HELZ2: variants seen among roughly 807,000 people sequenced by gnomAD.
HELZ2 encodes the protein helicase with zinc finger 2, also known as 3'-5' exoribonuclease HELZ2.
HELZ2 carries 143 observed loss-of-function variants against 208.8 expected under a neutral mutation model. The ratio of observed to expected loss-of-function variants is 0.68; its 90% confidence interval spans 0.60 to 0.79. The LOEUF is 0.79. Among genes scored for constraint, HELZ2 ranks in the 30% least tolerant of loss-of-function variants. The pLI, the probability that HELZ2 is intolerant of heterozygous loss-of-function variation, is 0.00. For synonymous variants in HELZ2, 1,705 were observed against 1,693.7 expected, an observed-to-expected ratio of 1.01 and a Z score of -0.16; for missense variants, 3,690 against 3,794.5, an observed-to-expected ratio of 0.97 and a Z score of 0.72.
At chr20:63,561,841 A>G (rs1258713178) in exon 11 of HELZ2, 1 of 1,563,640 alleles carries the variant, frequency 6.4e-7, no homozygotes, top group Non-Finnish European at 8.7e-7. Flanking sequence ...ACATCCACCG[A>G]CTTGTTGGAG....
chr20:63,563,077 G>C, exon 8 of HELZ2: 1 of 1,598,330 alleles, frequency 6.3e-7, no homozygotes, highest in Non-Finnish European at 8.5e-7. Flanking sequence ...GCCGCTCCAC[G>C]TGCTCCAGGC....
chr20:63,570,647 A>ACCCCCCC, intron 2 of HELZ2, 36 bp from the exon 4 acceptor site: 71 of 1,497,328 alleles, frequency 4.7e-5, no homozygotes, highest in Middle Eastern at 1.8e-4. Flanking sequence ...AGAGGCCTGG[A>ACCCCCCC]CCCCACCCCA....
chr20:63,570,493 T>G lies in HELZ2; in HGVS notation c.570+11A>C, dbSNP rs142918255. 6.2e-7 allele frequency: 1 copy of G among 1,607,624 alleles called. No homozygotes were observed. Among genetic ancestry groups the G allele is most frequent in the Non-Finnish European group, 8.5e-7 (1 of 1,175,040 alleles). ...GCTCCCTCCGCCCAGTCGGAGCTGT[T>G]CTCCGCTCACCTCAGAGTGGACGGC... On this transcript the variant is annotated intron_variant, in intron 3 of 18. Transcript: ENST00000467148.
rs904128021 is a variant in HELZ2 at position 63,571,963 on chromosome 20, G to A, written c.278+145C>T. Reference sequence around the variant, plus strand: ...GGGAGCCTCTGGCTCTGCCTACGGTGGGCTCCTGCCCTACTCCAAGCTCCT... The same window carrying A: ...GGGAGCCTCTGGCTCTGCCTACGGTAGGCTCCTGCCCTACTCCAAGCTCCT... On this transcript the variant is annotated intron_variant, in intron 1 of 18. Coordinates refer to ENST00000467148, the Ensembl canonical transcript of HELZ2. 34 of 839,604 alleles carry A rather than the reference G, an allele frequency of 4.0e-5. No homozygotes were observed. In the African/African-American group the frequency reaches 4.8e-4, roughly 12 times the overall value. 52.0% of individuals were successfully genotyped at this position (839,604 alleles called of 1,614,324 possible).
chr20:63,567,680 C>T, intron 5 of HELZ2, 53 bp from the exon 7 acceptor site: 1 of 1,548,338 alleles, frequency 6.5e-7, no homozygotes, highest in East Asian at 2.4e-5. Flanking sequence ...TCAGTGCTGT[C>T]CGCTAAAGCA....
rs745497383 is a variant in HELZ2, at chr20:63,561,897, CG to C, written c.6616del (p.Arg2206ValfsTer29). The C allele has an allele frequency of 3.0e-5, 48 of 1,576,450 alleles. No homozygotes were observed. Among genetic ancestry groups the C allele is most frequent in the Admixed American group, 1.1e-4 (6 of 54,194 alleles). On this transcript the variant is annotated frameshift_variant, in exon 11 of 19. Coordinates refer to ENST00000467148, the Ensembl canonical transcript of HELZ2. LOFTEE classifies it high-confidence loss of function. ...GGGACCCCCCAGCCGCTTCTCCCCA[CG>C]GGGGGGGCCTCCGGGCTGCACCTGC...
At chr20:63,570,590 C>T (rs1181699681) in exon 3 of HELZ2, 3 of 1,612,334 alleles carry the variant, frequency 1.9e-6, no homozygotes, top group Non-Finnish European at 2.5e-6. Flanking sequence ...GTGACACGCA[C>T]TCCATCAAGG....
chr20:63,562,446 G>C, intron 8 of HELZ2, 64 bp from the exon 10 acceptor site: 1 of 1,524,150 alleles, frequency 6.6e-7, no homozygotes, highest in South Asian at 1.2e-5. Context: ...GCTGCCCCAC[G>C]AGCTCCCCCC....
chr20:63,573,135 C>G (rs906918443), upstream of HELZ2: 2 of 152,254 alleles, frequency 1.3e-5, no homozygotes, highest in African/African-American at 4.8e-5. This position sits in a 1 kb window ranked among gnomAD's most constrained non-coding sequence, Gnocchi z 4.9. Flanking sequence ...ACCTCGAACA[C>G]CAGCTTGGCT....
At chr20:63,559,237 G>C (rs1307846923) in exon 19 of HELZ2, 5 of 1,537,998 alleles carry the variant, frequency 3.3e-6, no homozygotes, top group Non-Finnish European at 4.4e-6. Flanking sequence ...TGCAGGTGGA[G>C]AGGGCTCTTC....
chr20:63,563,255 C>T lies in HELZ2; in HGVS notation c.5567G>A (p.Arg1856Gln), dbSNP rs867441852. ...CCGCTGCACCTGCACCAGCTCCCGC[C>T]GCTGGGACGCCTCGCCCTTCTCCTG... The change falls in exon 8 of 19, where the codon CGG (arginine) becomes CAG (glutamine). Residue 1856 changes from arginine (R) to glutamine (Q), a missense_variant. Arg to Gln is a conservative substitution (Grantham distance 43). This residue lies in a region of HELZ2 where 2,564 missense variants were observed against 2,580.5 expected (regional missense o/e 0.99). Transcript: ENST00000467148. The T allele has an allele frequency of 3.8e-6, 6 of 1,559,398 alleles. No homozygotes were observed. The African/African-American group carries it at 4.1e-5, about 11-fold the overall frequency.
chr20:63,562,026 C>T, intron 10 of HELZ2, 42 bp from the exon 12 acceptor site: 1 of 1,599,088 alleles, frequency 6.3e-7, no homozygotes, highest in Non-Finnish European at 8.5e-7. Flanking sequence ...CCCTGTGGGT[C>T]CCTGTGGCCC....
exon 8 of HELZ2, chr20:63,564,362 A>G: frequency 6.4e-7 from 1 of 1,562,186 alleles, no homozygotes. Context: ...GCACGCGGCC[A>G]CGACGCAGGC....
exon 8 of HELZ2, chr20:63,564,229 C>T: frequency 1.2e-6 from 2 of 1,612,084 alleles, no homozygotes; most frequent in Non-Finnish European, 1.7e-6. Flanking sequence ...GCCTATTAAA[C>T]TGAATCATGT....
chr20:63,572,194 G>A (rs552383687), exon 1 of HELZ2: 151 of 1,607,930 alleles, frequency 9.4e-5, no homozygotes, highest in East Asian at 5.1e-4. Context: ...CCATCTGTGC[G>A]TGCTCCGAGG....
exon 8 of HELZ2, chr20:63,562,585 C>T (rs781232389): frequency 6.0e-5 from 96 of 1,599,348 alleles, no homozygotes; most frequent in South Asian, 2.1e-4. Flanking sequence ...GCACCTCTTC[C>T]GGAACCTTCT....
At chr20:63,559,021 C>T (rs927890577), downstream of HELZ2, 3 of 491,646 alleles carry the variant, frequency 6.1e-6, no homozygotes, top group African/African-American at 3.9e-5. Flanking sequence ...CCCTCTTGGC[C>T]ACCCTGAGAG....
At position 63,562,010 on chromosome 20, in the gene HELZ2, A is replaced by G. The variant is rs1449205845; in HGVS notation, c.6530-26T>C. The G allele has an allele frequency of 1.9e-6, 3 of 1,595,858 alleles. No individual in the cohort carries two copies. The South Asian group carries it at 3.3e-5, about 18-fold the overall frequency. On this transcript the variant is annotated intron_variant, in intron 10 of 18. Coordinates refer to ENST00000467148, the Ensembl canonical transcript of HELZ2. The stretch of plus-strand genomic sequence containing the variant: ...CTGCAGCCAGAGAATAGGAGATTGT[A>G]GCCCACCCTGTGGGTCCCTGTGGCC...
At chr20:63,567,925 C>T in intron 5 of HELZ2, 1 of 578,358 alleles carries the variant, frequency 1.7e-6, no homozygotes, top group South Asian at 2.2e-5. Context: ...GGCCACTGTC[C>T]CAGGCTCTTC....
Sources: allele counts gnomAD v4.1 joint callset, GRCh38; gene constraint gnomAD v4.1.1; regional missense constraint gnomAD v4.1.1; non-coding constraint Gnocchi (gnomAD v3.1); transcripts MANE v1.5; gene names NCBI Gene and HGNC (gene_info 2026-07-23, HGNC 2026-07-21).